The following VPS50 variants were observed in gnomAD, a reference collection of about 807,000 sequenced individuals.
VPS50 encodes the protein VPS50 subunit of EARP/GARPII complex.
In VPS50, 70 loss-of-function variants were observed where a neutral mutation model predicts 139.7. The ratio of observed to expected loss-of-function variants is 0.50; its 90% confidence interval spans 0.41 to 0.61. VPS50 has a LOEUF of 0.61. Among genes scored for constraint, VPS50 ranks in the 20% least tolerant of loss-of-function variants. The probability of loss-of-function intolerance (pLI) is 0.00; values close to 1 mark genes in which losing one functional copy is unlikely to be tolerated. For synonymous variants in VPS50, 365 were observed against 376.7 expected (o/e 0.97, Z 0.36); for missense variants, 921 against 1,133.7 (o/e 0.81, Z 2.69).
intron 17 of VPS50, among the ~76,000 whole-genome samples, chr7:93,304,386 A>G (rs1484292674): frequency 6.6e-6 from 1 of 151,662 alleles, no homozygotes; most frequent in Non-Finnish European, 1.5e-5. Flanking sequence ...ATAGCTTCTT[A>G]TCCAGTTTTA....
At chr7:93,277,396 C>T (rs1796190062) in intron 12 of VPS50, among the ~76,000 whole-genome samples, 1 of 152,184 alleles carries the variant, frequency 6.6e-6, no homozygotes, top group South Asian at 2.1e-4. Context: ...CTTGAGTTTT[C>T]TCTAATGTCA....
At chr7:93,290,544 C>G (rs1047409201) in intron 12 of VPS50, among the ~76,000 whole-genome samples, 1 of 151,472 alleles carries the variant, frequency 6.6e-6, no homozygotes, top group African/African-American at 2.4e-5. Context: ...TCTTAAAGCC[C>G]ACTTTGAGAA....
At chr7:93,286,330 G>A (rs1015360641) in intron 12 of VPS50, among the ~76,000 whole-genome samples, 4 of 152,174 alleles carry the variant, frequency 2.6e-5, no homozygotes, top group African/African-American at 9.6e-5. Flanking sequence ...ATTATAATAT[G>A]GTGCTCCTCT....
chr7:93,322,859 C>CAT (rs1273893766), intron 20 of VPS50, among the ~76,000 whole-genome samples: 1 of 152,178 alleles, frequency 6.6e-6, no homozygotes, highest in East Asian at 1.9e-4. Context: ...CCTTCCAATA[C>CAT]ATTAGCAAGT....
rs1311902958 is a variant in VPS50 at position 93,271,143 on chromosome 7, A to C, written c.660-77A>C. 3 of 1,517,972 alleles carry C rather than the reference A, an allele frequency of 2.0e-6. No individual in the cohort carries two copies. The African/African-American group carries it at 4.4e-5, about 22-fold the overall frequency. 94.0% of individuals were successfully genotyped at this position (1,517,972 alleles called of 1,614,324 possible). The stretch of plus-strand genomic sequence containing the variant: ...TAATCTTTGAATTTATGGATTAATT[A>C]TTCAGTTAGTATGTATTTATTTAGC... On this transcript the variant is annotated intron_variant, in intron 9 of 27. Transcript: ENST00000305866.
intron 9 of VPS50, among the ~76,000 whole-genome samples, chr7:93,267,603 T>G (rs373168220): frequency 2.2e-4 from 34 of 152,160 alleles, no homozygotes; most frequent in African/African-American, 7.2e-4. Context: ...GCCACAGGTA[T>G]TCCTTACTGT....
At chr7:93,298,683 A>G (rs1796884031) in intron 16 of VPS50, among the ~76,000 whole-genome samples, 1 of 152,248 alleles carries the variant, frequency 6.6e-6, no homozygotes, top group African/African-American at 2.4e-5. Flanking sequence ...CATTTTGACC[A>G]TGATGGAAAT....
chr7:93,318,216 T>C (rs1346525673), intron 20 of VPS50, among the ~76,000 whole-genome samples: 4 of 152,144 alleles, frequency 2.6e-5, no homozygotes, highest in Non-Finnish European at 5.9e-5. Context: ...ATGTACAGCC[T>C]GATCTTTTGA....
intron 12 of VPS50, among the ~76,000 whole-genome samples, chr7:93,277,550 A>G (rs1796196090): frequency 6.6e-6 from 1 of 152,214 alleles, no homozygotes; most frequent in Admixed American, 6.5e-5. Context: ...GTTGGGTACT[A>G]CAGAAATTTT....
At chr7:93,249,772 T>TAGGGAAAGAGATTTCCAGGA (rs1795264431) in intron 2 of VPS50, among the ~76,000 whole-genome samples, 1 of 152,170 alleles carries the variant, frequency 6.6e-6, no homozygotes, top group Admixed American at 6.5e-5. Context: ...TGTGGACTTT[T>TAGGGAAAGAGATTTCCAGGA]AGGGAAAGAG....
At chr7:93,326,159 A>G (rs1797764847) in intron 21 of VPS50, among the ~76,000 whole-genome samples, 2 of 151,952 alleles carry the variant, frequency 1.3e-5, no homozygotes, top group Admixed American at 1.3e-4. Flanking sequence ...GACATGGATG[A>G]AATTGGAAAT....
rs757478002 is a variant in VPS50 at position 93,341,549 on chromosome 7, A to C, written c.2181A>C (p.Ala727=). ...CTGGGGATACGCTGTATGGGTTGGC[A>C]GAAAGAGTGGTAGCCACGGAATCCT... The part of the protein sequence containing the change: ...LTSGDTLYGL[A]ERVVATESLV... Residue 727 remains alanine, a synonymous_variant, in exon 23 of 28, where the codon GCA becomes GCC. Coordinates refer to ENST00000305866, the MANE Select transcript of VPS50 (RefSeq NM_017667.4). 6.2e-7 allele frequency: 1 copy of C among 1,610,686 alleles called. No homozygotes were observed. Among genetic ancestry groups the C allele is most frequent in the Admixed American group, 1.7e-5 (1 of 59,360 alleles).
At chr7:93,240,481 C>G (rs12532186) in intron 2 of VPS50, among the ~76,000 whole-genome samples, 1 of 151,926 alleles carries the variant, frequency 6.6e-6, no homozygotes, top group Non-Finnish European at 1.5e-5. Context: ...CTCTGATATT[C>G]ACGTGAATTT....
At chr7:93,261,448 C>T (rs532484607) in intron 9 of VPS50, among the ~76,000 whole-genome samples, 2 of 151,936 alleles carry the variant, frequency 1.3e-5, no homozygotes, top group South Asian at 2.1e-4. Flanking sequence ...GAGGCCGAGG[C>T]GGGCGGATCA....
chr7:93,268,717 C>T (rs1010781432), intron 9 of VPS50, among the ~76,000 whole-genome samples: 1 of 152,074 alleles, frequency 6.6e-6, no homozygotes, highest in Non-Finnish European at 1.5e-5. Flanking sequence ...TTTATTTATC[C>T]AGTCTGTCAT....
At chr7:93,353,060 G>A (rs1048770761) in intron 25 of VPS50, among the ~76,000 whole-genome samples, 3 of 152,050 alleles carry the variant, frequency 2.0e-5, no homozygotes, top group Non-Finnish European at 2.9e-5. Context: ...CAACCAGTAG[G>A]TATAATGCAA....
rs186938998 is a variant in VPS50 at position 93,327,360 on chromosome 7, T to C, written c.1977+3628T>C. Among the ~76,000 whole-genome samples the C allele has an allele frequency of 4.5e-3, 685 of 151,796 alleles. 5 individuals are homozygous for C. The highest frequency in any genetic ancestry group is 5.6e-3 in the Non-Finnish European group (378 of 67,896). On this transcript the variant is annotated intron_variant, in intron 21 of 27. Coordinates refer to ENST00000305866, the MANE Select transcript of VPS50 (RefSeq NM_017667.4). Reference sequence around the variant, plus strand: ...GAACAGTTCCAGACCACATTATTGATAAGATGTGTTAAAATAAATAAGATC... The same window carrying C: ...GAACAGTTCCAGACCACATTATTGACAAGATGTGTTAAAATAAATAAGATC...
At position 93,311,111 on chromosome 7, in the gene VPS50, T is replaced by G. The variant is rs187477416; in HGVS notation, c.1749-55T>G. ...AGGCTAGGGACCTATCTGACTAACT[T>G]ATTGGTTTATTACTTGACAACTCTA... On this transcript the variant is annotated intron_variant, in intron 19 of 27. Transcript: ENST00000305866. The G allele has an allele frequency of 6.0e-5, 49 of 815,724 alleles. No individual in the cohort carries two copies. In the East Asian group the frequency reaches 1.2e-3, roughly 20 times the overall value. The allele number at this position is 815,724 out of a possible 1,614,324, so 50.5% of individuals were successfully genotyped here.
intron 9 of VPS50, among the ~76,000 whole-genome samples, chr7:93,266,639 G>A (rs74806849): frequency 0.079 from 11,969 of 152,112 alleles, 502 homozygotes; most frequent in East Asian, 0.18. Context: ...CTTGCAGACC[G>A]CTTTTAAAGG....
Sources: allele counts gnomAD v4.1 joint callset (sites outside exome capture counted in the v4.1 genomes callset), GRCh38; gene constraint gnomAD v4.1.1; transcripts MANE v1.5; gene names NCBI Gene and HGNC (gene_info 2026-07-23, HGNC 2026-07-21).